Variants in PRUNE2 observed in about 807,000 individuals in gnomAD.
The protein encoded by PRUNE2 is prune homolog 2 with BCH domain, also known as protein prune homolog 2.
Under a neutral mutation model 252.0 loss-of-function variants are expected in PRUNE2, and 164 were observed. That is an observed-to-expected ratio of 0.65 (90% CI 0.57 to 0.74). PRUNE2 has a LOEUF of 0.74. Among genes scored for constraint, PRUNE2 ranks in the 30% least tolerant of loss-of-function variants. The probability of loss-of-function intolerance (pLI) is 0.00; values close to 1 mark genes in which losing one functional copy is unlikely to be tolerated. For missense variants in PRUNE2, 3,495 were observed against 3,711.0 expected, an observed-to-expected ratio of 0.94 and a Z score of 1.51; for synonymous variants, 1,292 against 1,350.2, an observed-to-expected ratio of 0.96 and a Z score of 0.94.
intron 9 of PRUNE2, among the ~76,000 whole-genome samples, chr9:76,691,510 C>T (rs192427784): frequency 2.6e-5 from 4 of 152,268 alleles, no homozygotes; most frequent in Admixed American, 2.6e-4. Context: ...AAGGGAACAA[C>T]ATAAGCCCAT....
At chr9:76,629,582 G>A (rs368416873) in intron 15 of PRUNE2, among the ~76,000 whole-genome samples, 32 of 148,848 alleles carry the variant, frequency 2.1e-4, no homozygotes, top group African/African-American at 7.5e-4. Context: ...GCTAATTTAC[G>A]TATGTATTAC....
At chr9:76,674,685 A>G (rs1279200106) in intron 9 of PRUNE2, among the ~76,000 whole-genome samples, 1 of 145,300 alleles carries the variant, frequency 6.9e-6, no homozygotes, top group Non-Finnish European at 1.5e-5. Flanking sequence ...AACAGTAACC[A>G]AAACAGCATG....
intron 10 of PRUNE2, 82 bp from the exon 11 acceptor site, chr9:76,652,765 C>A (rs1803864313): frequency 6.1e-6 from 6 of 980,990 alleles, no homozygotes; most frequent in Middle Eastern, 3.2e-4. Flanking sequence ...CCCAAATGCT[C>A]CAAAATCTGA....
intron 4 of PRUNE2, among the ~76,000 whole-genome samples, chr9:76,842,201 C>T (rs902983700): frequency 3.3e-5 from 5 of 152,154 alleles, no homozygotes; most frequent in Admixed American, 6.5e-5. Flanking sequence ...CTACAACCAT[C>T]TGATTTTTGA....
chr9:76,612,110 CAATTA>C lies in PRUNE2; in HGVS notation c.*2455_*2459del, dbSNP rs1827624387. ...CATGGTAGCTTTTCCCTAGCACATG[CAATTA>C]AATTAATTTGTCTTTTAAGATAATA... On this transcript the variant is annotated 3_prime_UTR_variant, in exon 19 of 19. Coordinates refer to ENST00000376718, the MANE Select transcript of PRUNE2 (RefSeq NM_015225.3). 1.3e-5 allele frequency: 2 copies of C among 152,178 alleles called. No homozygotes were observed. The highest frequency in any genetic ancestry group is 4.1e-4 in the South Asian group (2 of 4,824). The allele number at this position is 152,178 out of a possible 1,614,324, so 9.4% of individuals were successfully genotyped here.
chr9:76,900,810 T>C (rs891856096), intron 1 of PRUNE2, among the ~76,000 whole-genome samples: 5 of 152,074 alleles, frequency 3.3e-5, no homozygotes, highest in African/African-American at 1.2e-4. Flanking sequence ...CACGGAGGGG[T>C]AGGTTCCCTC....
rs13290609 is a variant in PRUNE2 at position 76,703,462 on chromosome 9, G to A, written c.8151C>T (p.Val2717=). 1 of 88,232 alleles carries A rather than the reference G, an allele frequency of 1.1e-5. No homozygotes were observed. The highest frequency in any genetic ancestry group is 1.9e-4 in the South Asian group (1 of 5,324). 5.5% of individuals were successfully genotyped at this position (88,232 alleles called of 1,614,324 possible). A position where few individuals can be genotyped will look rare whatever the true frequency, so the allele number is the denominator to read the frequency against. Residue 2717 remains valine, a synonymous_variant, in exon 9 of 19, where the codon GTC becomes GTT. Transcript: ENST00000376718. ...AGPDAVTLQA[V]THDNEWEMLS... ...GCATTTCCCATTCATTGTCATGGGT[G>A]ACAGCCTGCAACGTAACTGCATCCG...
intron 6 of PRUNE2, among the ~76,000 whole-genome samples, chr9:76,726,827 G>A (rs1380761221): frequency 6.6e-6 from 1 of 152,120 alleles, no homozygotes; most frequent in African/African-American, 2.4e-5. Context: ...CCATCTATGA[G>A]GCATTAAAAT....
chr9:76,691,798 G>A (rs1299421667), intron 9 of PRUNE2, among the ~76,000 whole-genome samples: 1 of 152,118 alleles, frequency 6.6e-6, no homozygotes, highest in African/African-American at 2.4e-5. Context: ...GATTACAGCT[G>A]TGCAAAGTCT....
At chr9:76,749,836 G>A (rs572846670) in intron 6 of PRUNE2, among the ~76,000 whole-genome samples, 6 of 152,270 alleles carry the variant, frequency 3.9e-5, no homozygotes, top group African/African-American at 1.2e-4. Context: ...ACAGATTTGC[G>A]TTTCAGTGTG....
intron 9 of PRUNE2, among the ~76,000 whole-genome samples, chr9:76,684,957 G>A (rs1381091629): frequency 6.6e-6 from 1 of 152,046 alleles, no homozygotes. Context: ...TCACCATGTT[G>A]GTCAGGCTGG....
chr9:76,710,966 G>A lies in PRUNE2; in HGVS notation c.1308C>T (p.Ser436=). ...AAACAGAGCTCTCCTTGGATGAGCG[G>A]CTGCTCCTAATGGTAGCCAGTCCGC... is the stretch of plus-strand genomic sequence containing the variant. ...PDSGLATIRS[S]RSSKESSVFL... is the part of the protein sequence containing the mutation. The change falls in exon 8 of 19, where the codon AGC becomes AGT. Residue 436 remains serine (S), a synonymous_variant. Transcript: ENST00000376718. The A allele has an allele frequency of 3.1e-6, 5 of 1,603,156 alleles. No individual in the cohort carries two copies. Among genetic ancestry groups the A allele is most frequent in the Non-Finnish European group, 4.3e-6 (5 of 1,174,302 alleles).
At chr9:76,845,653 G>T (rs899875784) in intron 4 of PRUNE2, among the ~76,000 whole-genome samples, 1 of 152,178 alleles carries the variant, frequency 6.6e-6, no homozygotes, top group Non-Finnish European at 1.5e-5. Context: ...TAAAAGAGTT[G>T]AGTCAACATA....
chr9:76,780,376 G>C (rs1411488601), intron 6 of PRUNE2, among the ~76,000 whole-genome samples: 1 of 152,096 alleles, frequency 6.6e-6, no homozygotes, highest in Admixed American at 6.6e-5. Context: ...CTGGCCACCT[G>C]TATCCAAGAT....
intron 3 of PRUNE2, among the ~76,000 whole-genome samples, chr9:76,849,065 T>C (rs774326443): frequency 6.6e-6 from 1 of 152,136 alleles, no homozygotes; most frequent in Non-Finnish European, 1.5e-5. Flanking sequence ...CATACCACTA[T>C]GGCCAGCTAA....
intron 6 of PRUNE2, among the ~76,000 whole-genome samples, chr9:76,727,324 C>T (rs1033677543): frequency 2.6e-5 from 4 of 152,224 alleles, no homozygotes; most frequent in African/African-American, 7.2e-5. Context: ...TAAAGCAAGA[C>T]ACATGGTTAA....
intron 9 of PRUNE2, among the ~76,000 whole-genome samples, chr9:76,694,200 C>T (rs2045140557): frequency 1.3e-5 from 2 of 151,774 alleles, no homozygotes; most frequent in Non-Finnish European, 2.9e-5. Flanking sequence ...TGAGACGGAG[C>T]CTAGCTCTGT....
chr9:76,805,589 C>T (rs571994406), intron 6 of PRUNE2, among the ~76,000 whole-genome samples: 46 of 152,050 alleles, frequency 3.0e-4, no homozygotes, highest in Middle Eastern at 3.4e-3. Context: ...CGAAAGACTC[C>T]GTCTCAAAAC....
At position 76,638,170 on chromosome 9, in the gene PRUNE2, C is replaced by T; in HGVS notation, c.8831+16G>A. On this transcript the variant is annotated intron_variant, in intron 13 of 18. Coordinates refer to ENST00000376718, the MANE Select transcript of PRUNE2 (RefSeq NM_015225.3). Reference sequence around the variant, plus strand: ...CAGACATTAACTCAAAGCACTTTGTCATAAGTATCACTCACAGGAAAAGAT... The same window carrying T: ...CAGACATTAACTCAAAGCACTTTGTTATAAGTATCACTCACAGGAAAAGAT... 1 of 1,548,258 alleles carries T rather than the reference C, an allele frequency of 6.5e-7. No homozygotes were observed. Among genetic ancestry groups the T allele is most frequent in the Non-Finnish European group, 8.9e-7 (1 of 1,120,582 alleles).
Sources: gnomAD v4.1 joint callset for allele counts (sites outside exome capture counted in the v4.1 genomes callset) on GRCh38, gnomAD v4.1.1 for gene constraint, MANE v1.5 for transcripts, NCBI Gene and HGNC (gene_info 2026-07-23, HGNC 2026-07-21) for gene names.